The following ZNF385D variants were observed in gnomAD, a reference collection of about 807,000 sequenced individuals.
ZNF385D encodes the protein zinc finger protein 659.
Under a neutral mutation model 35.8 loss-of-function variants are expected in ZNF385D, and 15 were observed. The observed-to-expected ratio is 0.42, with a 90% CI of 0.28 to 0.64. ZNF385D has a LOEUF of 0.64. Ranked by LOEUF, ZNF385D falls within the 30% of genes least tolerant of loss-of-function variation. The pLI, the probability that ZNF385D is intolerant of heterozygous loss-of-function variation, is 0.23. For synonymous variants in ZNF385D, 212 were observed against 186.8 expected (o/e 1.13, Z -1.10); for missense variants, 474 against 494.6 (o/e 0.96, Z 0.39).
chr3:21,829,912 T>A (rs1319402505), intron 3 of ZNF385D, among the ~76,000 whole-genome samples: 1 of 152,018 alleles, frequency 6.6e-6, no homozygotes, highest in Non-Finnish European at 1.5e-5. Context: ...TCACTTGAAG[T>A]CAGGAGTTCA....
intron 2 of ZNF385D, among the ~76,000 whole-genome samples, chr3:22,212,536 T>C (rs1183152591): frequency 6.6e-6 from 1 of 151,994 alleles, no homozygotes; most frequent in Non-Finnish European, 1.5e-5. Context: ...GGAATTAATA[T>C]GTCTCTAAAA....
At chr3:22,229,729 G>A (rs1008735377) in intron 2 of ZNF385D, among the ~76,000 whole-genome samples, 5 of 152,158 alleles carry the variant, frequency 3.3e-5, no homozygotes, top group African/African-American at 1.2e-4. Flanking sequence ...CAATAGACAA[G>A]TGGTCACTCA....
intron 4 of ZNF385D, among the ~76,000 whole-genome samples, chr3:21,473,776 T>C (rs1306746539): frequency 6.6e-6 from 1 of 152,126 alleles, no homozygotes. Context: ...CTTATATCTC[T>C]GTTCTTGACA....
intron 4 of ZNF385D, among the ~76,000 whole-genome samples, chr3:21,451,686 A>G (rs1702469798): frequency 6.6e-6 from 1 of 152,122 alleles, no homozygotes; most frequent in Non-Finnish European, 1.5e-5. Flanking sequence ...AGATAACAGT[A>G]GCCTCCTACA....
chr3:22,353,465 G>C (rs970379577), intron 2 of ZNF385D, among the ~76,000 whole-genome samples: 1 of 152,112 alleles, frequency 6.6e-6, no homozygotes, highest in Non-Finnish European at 1.5e-5. Context: ...CCAAGTACAG[G>C]AGATGTGCCC....
At chr3:22,155,908 G>A (rs904372853) in intron 3 of ZNF385D, among the ~76,000 whole-genome samples, 2 of 152,038 alleles carry the variant, frequency 1.3e-5, no homozygotes, top group African/African-American at 2.4e-5. Context: ...AAAGTTAAGA[G>A]TATTCAAAAT....
chr3:21,771,426 T>C (rs1454425516), intron 3 of ZNF385D, among the ~76,000 whole-genome samples: 3 of 151,860 alleles, frequency 2.0e-5, no homozygotes, highest in Admixed American at 6.6e-5. Context: ...GTCCAGTTTT[T>C]AGCAAGAAAA....
At chr3:21,970,489 T>C (rs1161969596) in intron 3 of ZNF385D, among the ~76,000 whole-genome samples, 1 of 150,988 alleles carries the variant, frequency 6.6e-6, no homozygotes, top group African/African-American at 2.4e-5. Context: ...ACAGGCTTTT[T>C]GAAAATAAAC....
intron 3 of ZNF385D, among the ~76,000 whole-genome samples, chr3:21,794,163 T>C (rs17009600): frequency 0.056 from 8,535 of 152,160 alleles, 501 homozygotes; most frequent in East Asian, 0.31. Flanking sequence ...GGAAGGCACC[T>C]GATCTCTACC....
chr3:21,838,761 T>A (rs531798956), intron 3 of ZNF385D, among the ~76,000 whole-genome samples: 1 of 152,076 alleles, frequency 6.6e-6, no homozygotes, highest in African/African-American at 2.4e-5. Context: ...GTAAGTTACA[T>A]GCTAACTTAT....
intron 3 of ZNF385D, among the ~76,000 whole-genome samples, chr3:21,853,857 G>A (rs1025863591): frequency 6.6e-6 from 1 of 151,688 alleles, no homozygotes; most frequent in Non-Finnish European, 1.5e-5. Context: ...ATTATATACT[G>A]TATAATTCCA....
intron 3 of ZNF385D, among the ~76,000 whole-genome samples, chr3:22,041,575 G>A (rs373047411): frequency 6.6e-6 from 1 of 152,142 alleles, no homozygotes; most frequent in African/African-American, 2.4e-5. Flanking sequence ...GGTTTTTGAT[G>A]CCATTAAACT....
chr3:22,185,825 A>G (rs902948787), intron 2 of ZNF385D, among the ~76,000 whole-genome samples: 1 of 152,144 alleles, frequency 6.6e-6, no homozygotes, highest in Non-Finnish European at 1.5e-5. Context: ...CCTGGGGAGA[A>G]AGATGTTATT....
intron 1 of ZNF385D, among the ~76,000 whole-genome samples, chr3:21,670,580 A>T (rs2066536493): frequency 6.8e-6 from 1 of 146,350 alleles, no homozygotes; most frequent in African/African-American, 2.5e-5. Flanking sequence ...TTTAGATCTG[A>T]TCCTACTAAT....
intron 2 of ZNF385D, among the ~76,000 whole-genome samples, chr3:22,368,356 T>C (rs1213196952): frequency 1.3e-5 from 2 of 152,178 alleles, no homozygotes; most frequent in African/African-American, 4.8e-5. Context: ...ACCACATTTA[T>C]AATAGGATAA....
intron 2 of ZNF385D, among the ~76,000 whole-genome samples, chr3:22,265,311 C>T (rs1314913663): frequency 6.6e-6 from 1 of 151,896 alleles, no homozygotes; most frequent in African/African-American, 2.4e-5. Flanking sequence ...TTTTTTAAAA[C>T]CAGTTTCTAC....
intron 2 of ZNF385D, among the ~76,000 whole-genome samples, chr3:22,243,593 A>G (rs1399025418): frequency 6.6e-6 from 1 of 151,108 alleles, no homozygotes; most frequent in East Asian, 2.0e-4. Flanking sequence ...TATTATGACA[A>G]TGGAAATGCC....
At chr3:22,349,218 T>C (rs566169807) in intron 2 of ZNF385D, among the ~76,000 whole-genome samples, 1 of 152,102 alleles carries the variant, frequency 6.6e-6, no homozygotes, top group African/African-American at 2.4e-5. Flanking sequence ...AATGAGCCCA[T>C]GAAATAAACA....
intron 2 of ZNF385D, among the ~76,000 whole-genome samples, chr3:22,194,402 A>C (rs983501328): frequency 6.6e-6 from 1 of 151,880 alleles, no homozygotes; most frequent in African/African-American, 2.4e-5. Context: ...CATAATATAG[A>C]GTTAGTCCTT....
Sources: gnomAD v4.1 joint callset for allele counts (sites outside exome capture counted in the v4.1 genomes callset) on GRCh38, gnomAD v4.1.1 for gene constraint, MANE v1.5 for transcripts, NCBI Gene and HGNC (gene_info 2026-07-23, HGNC 2026-07-21) for gene names.